AJAP1: variants seen among roughly 807,000 people sequenced by gnomAD.
AJAP1 encodes adherens junction-associated protein 1.
In AJAP1, 5 loss-of-function variants were observed where a neutral mutation model predicts 35.0. The ratio of observed to expected loss-of-function variants is 0.14; its 90% CI spans 0.07 to 0.30. The LOEUF is 0.30. Among genes scored for constraint, AJAP1 ranks in the 10% least tolerant of loss-of-function variants. AJAP1 has a pLI of 1.00. For missense variants in AJAP1, 586 were observed against 571.0 expected, an observed-to-expected ratio of 1.03 and a Z score of -0.27; for synonymous variants, 284 against 249.3, an observed-to-expected ratio of 1.14 and a Z score of -1.31.
rs560625303 is a variant in AJAP1, at chr1:4,785,357, T to G, written c.*2872T>G. ...CCAACATGACATCCGTCAAGGTAAA[T>G]CCACACAAAGGCTGCTATTTCTGGA... On this transcript the variant is annotated 3_prime_UTR_variant, in exon 6 of 6. Coordinates refer to ENST00000378191, the MANE Select transcript of AJAP1 (RefSeq NM_018836.4). 4 of 152,254 alleles carry G rather than the reference T, an allele frequency of 2.6e-5. No individual in the cohort carries two copies. The highest frequency in any genetic ancestry group is 9.6e-5 in the African/African-American group (4 of 41,544). 9.4% of individuals were successfully genotyped at this position (152,254 alleles called of 1,614,324 possible). A position where few individuals can be genotyped will look rare whatever the true frequency, so the allele number is the denominator to read the frequency against.
rs146165127 is a variant in AJAP1 at position 4,759,220 on chromosome 1, C to T, written c.830-10633C>T. ...TAGACCTGCTCCTCTTAGATGGGGC[C>T]GCTGGATGGCACATCAGTCCTGCAC... On this transcript the variant is annotated intron_variant, in intron 2 of 5. Coordinates refer to ENST00000378191, the MANE Select transcript of AJAP1 (RefSeq NM_018836.4). Among the ~76,000 whole-genome samples, 4 of 152,164 alleles carry T rather than the reference C, an allele frequency of 2.6e-5. No individual in the cohort carries two copies. In the East Asian group the frequency reaches 5.8e-4, roughly 22 times the overall value.
intron 2 of AJAP1, among the ~76,000 whole-genome samples, chr1:4,733,148 C>A (rs1225463606): frequency 6.6e-6 from 1 of 152,158 alleles, no homozygotes; most frequent in East Asian, 1.9e-4. Flanking sequence ...CCCAGACCCC[C>A]TTCTACTCTT....
intron 5 of AJAP1, among the ~76,000 whole-genome samples, chr1:4,781,069 C>CAA (rs1642051985): frequency 6.6e-6 from 1 of 152,170 alleles, no homozygotes; most frequent in Non-Finnish European, 1.5e-5. Flanking sequence ...GACTCTGGCA[C>CAA]ACTGAGTCTC....
chr1:4,683,671 C>G (rs1482924866), intron 1 of AJAP1, among the ~76,000 whole-genome samples: 1 of 152,222 alleles, frequency 6.6e-6, no homozygotes, highest in Non-Finnish European at 1.5e-5. Flanking sequence ...ATACTTGACT[C>G]AGATCTCCAT....
intron 1 of AJAP1, among the ~76,000 whole-genome samples, chr1:4,695,962 G>A (rs188587953): frequency 1.1e-3 from 163 of 152,188 alleles, no homozygotes; most frequent in African/African-American, 3.8e-3. Flanking sequence ...CGTACTGGGG[G>A]GTTCATCAAT....
chr1:4,723,114 G>A lies in AJAP1; in HGVS notation c.829+10415G>A, dbSNP rs1409577932. 3.3e-5 allele frequency among the ~76,000 whole-genome samples: 5 copies of A among 152,184 alleles called. No individual in the cohort carries two copies. The East Asian group carries it at 9.6e-4, about 29-fold the overall frequency. The stretch of plus-strand genomic sequence containing the variant: ...GCCCCAAGAGAGCATCGGCTGGGGA[G>A]TAAGGGAGAGAACCATCTAGAGGGT... On this transcript the variant is annotated intron_variant, in intron 2 of 5. Coordinates refer to ENST00000378191, the MANE Select transcript of AJAP1 (RefSeq NM_018836.4). This position sits in a 1 kb window ranked among gnomAD's most constrained non-coding sequence, Gnocchi z 4.3.
In AJAP1 at chr1:4,720,730, G is replaced by A. The variant is rs370808271; in HGVS notation, c.829+8031G>A. Among the ~76,000 whole-genome samples the A allele has an allele frequency of 5.6e-4, 86 of 152,290 alleles. No homozygotes were observed. The highest frequency in any genetic ancestry group is 1.7e-3 in the Admixed American group (26 of 15,300). ...CACCGGTGGCTCTGCCAGGGTAATC[G>A]AATGGTGTTTGTGGTGGGAAAATGC... On this transcript the variant is annotated intron_variant, in intron 2 of 5. Coordinates refer to ENST00000378191, the MANE Select transcript of AJAP1 (RefSeq NM_018836.4). The surrounding 1 kb of genome is among the most constrained non-coding windows in gnomAD (Gnocchi z 4.4).
At chr1:4,659,964 A>G (rs903028865) in intron 1 of AJAP1, among the ~76,000 whole-genome samples, 1 of 152,102 alleles carries the variant, frequency 6.6e-6, no homozygotes, top group African/African-American at 2.4e-5. Context: ...CCGCCCCTTA[A>G]TCTCCGTGGA....
chr1:4,699,153 G>A (rs961848686), intron 1 of AJAP1, among the ~76,000 whole-genome samples: 5 of 152,172 alleles, frequency 3.3e-5, no homozygotes, highest in South Asian at 4.1e-4. Flanking sequence ...CCCAGGGTGC[G>A]TGGTGAGTGG....
At chr1:4,732,280 T>TGG (rs1640818044) in intron 2 of AJAP1, among the ~76,000 whole-genome samples, 2 of 152,276 alleles carry the variant, frequency 1.3e-5, no homozygotes, top group African/African-American at 4.8e-5. Flanking sequence ...ACTGTGCTGA[T>TGG]GAGGCCAGAC....
At chr1:4,683,507 G>C (rs570677375) in intron 1 of AJAP1, among the ~76,000 whole-genome samples, 1 of 152,220 alleles carries the variant, frequency 6.6e-6, no homozygotes, top group Non-Finnish European at 1.5e-5. Flanking sequence ...ATTTCAGTGG[G>C]TCCACTGGGA....
rs116617877 is a variant in AJAP1 at position 4,782,174 on chromosome 1, G to A, written c.*60-371G>A. ...GAGAGTGAGAGCAGGGCTGCCACACGCAGGCCCCCTGACATGCACGCCTGG... is the reference window on the plus strand; with the variant it reads ...GAGAGTGAGAGCAGGGCTGCCACACACAGGCCCCCTGACATGCACGCCTGG... On this transcript the variant is annotated intron_variant, in intron 5 of 5. Coordinates refer to ENST00000378191, the MANE Select transcript of AJAP1 (RefSeq NM_018836.4). This position sits in a 1 kb window ranked among gnomAD's most constrained non-coding sequence, Gnocchi z 5.3. Among the ~76,000 whole-genome samples, 1,208 of 152,282 alleles carry A rather than the reference G, an allele frequency of 7.9e-3. 14 individuals are homozygous for A. The highest frequency in any genetic ancestry group is 0.027 in the African/African-American group (1,141 of 41,562).
intron 2 of AJAP1, among the ~76,000 whole-genome samples, chr1:4,724,579 G>T (rs1640606643): frequency 6.6e-6 from 1 of 152,062 alleles, no homozygotes; most frequent in Non-Finnish European, 1.5e-5. Context: ...ATCAATAATT[G>T]CCAGTGTCAT....
intron 1 of AJAP1, among the ~76,000 whole-genome samples, chr1:4,662,062 GTGTGTC>G (rs1358641490): frequency 1.3e-5 from 2 of 151,934 alleles, no homozygotes; most frequent in Non-Finnish European, 2.9e-5. Context: ...GTGTGTGTGT[GTGTGTC>G]TGTGTGTGTG....
chr1:4,736,672 G>A (rs923821227), intron 2 of AJAP1, among the ~76,000 whole-genome samples: 1 of 152,152 alleles, frequency 6.6e-6, no homozygotes, highest in Admixed American at 6.5e-5. Flanking sequence ...TATAGCACAC[G>A]GCAGAGCAAT....
chr1:4,668,669 C>T (rs191524708), intron 1 of AJAP1, among the ~76,000 whole-genome samples: 10 of 152,224 alleles, frequency 6.6e-5, no homozygotes, highest in East Asian at 1.9e-4. Context: ...AGTCCTGGGA[C>T]GGGGATTCCT....
intron 5 of AJAP1, among the ~76,000 whole-genome samples, chr1:4,781,218 C>T (rs1302682154): frequency 1.3e-5 from 2 of 152,194 alleles, no homozygotes; most frequent in Admixed American, 6.5e-5. Flanking sequence ...CCTGGGGCCC[C>T]TCCTCCCCAG....
At chr1:4,673,521 C>T (rs1339324740) in intron 1 of AJAP1, among the ~76,000 whole-genome samples, 1 of 152,208 alleles carries the variant, frequency 6.6e-6, no homozygotes. Context: ...CCCACTAAAA[C>T]TCTGGGGACC....
chr1:4,689,409 C>T (rs143139771), intron 1 of AJAP1, among the ~76,000 whole-genome samples: 22 of 152,286 alleles, frequency 1.4e-4, no homozygotes, highest in South Asian at 6.2e-4. Context: ...CACGAGGAGG[C>T]GGAGGGCCAG....
Sources: gnomAD v4.1 joint callset for allele counts (sites outside exome capture counted in the v4.1 genomes callset) on GRCh38, gnomAD v4.1.1 for gene constraint, Gnocchi (gnomAD v3.1) non-coding constraint, MANE v1.5 for transcripts, NCBI Gene and HGNC (gene_info 2026-07-23, HGNC 2026-07-21) for gene names.